The following APOLD1 variants were observed in gnomAD, a reference collection of about 807,000 sequenced individuals.
APOLD1 encodes the protein apolipoprotein L domain-containing protein 1.
APOLD1 carries 22 observed loss-of-function variants against 15.3 expected under a neutral mutation model. That is an observed-to-expected ratio of 1.44 (90% CI 1.03 to 2.05). The LOEUF (loss-of-function observed/expected upper bound fraction) is 2.05. Among genes scored for constraint, APOLD1 ranks in the 30% most tolerant of loss-of-function variants. The pLI is 0.00. For synonymous variants in APOLD1, 190 were observed against 167.4 expected (o/e 1.13, Z -1.04); for missense variants, 394 against 353.5 (o/e 1.11, Z -0.92).
intron 1 of APOLD1, among the ~76,000 whole-genome samples, chr12:12,772,701 A>G (rs1946998748): frequency 6.6e-6 from 1 of 152,232 alleles, no homozygotes; most frequent in African/African-American, 2.4e-5. Flanking sequence ...TCAAAGTCAT[A>G]TAAAACATTT....
chr12:12,755,514 A>G (rs1367309649), intron 1 of APOLD1, among the ~76,000 whole-genome samples: 2 of 152,234 alleles, frequency 1.3e-5, no homozygotes, highest in African/African-American at 2.4e-5. Context: ...ATAACCCACA[A>G]TAATTAGTAT....
At chr12:12,747,733 T>C (rs562212375) in intron 1 of APOLD1, among the ~76,000 whole-genome samples, 5 of 152,302 alleles carry the variant, frequency 3.3e-5, no homozygotes, top group African/African-American at 1.2e-4. Context: ...TGGGCCCTTC[T>C]TGCAACATTT....
intron 1 of APOLD1, among the ~76,000 whole-genome samples, chr12:12,777,923 T>TTTTTTTTTTTTTTTTTTTGTTG (rs1555092183): frequency 1.6e-5 from 2 of 121,570 alleles, no homozygotes; most frequent in Non-Finnish European, 3.4e-5. Flanking sequence ...TTTTTTTTTT[T>TTTTTTTTTTTTTTTTTTTGTTG]TTGTTGTTGT....
At chr12:12,750,394 A>AAAAAG (rs71064320) in intron 1 of APOLD1, among the ~76,000 whole-genome samples, 2 of 147,984 alleles carry the variant, frequency 1.4e-5, no homozygotes, top group Non-Finnish European at 1.5e-5. Context: ...AAAAAAAAAA[A>AAAAAG]GGAAATTGGG....
At chr12:12,731,259 A>T (rs1946639711) in intron 1 of APOLD1, among the ~76,000 whole-genome samples, 1 of 152,230 alleles carries the variant, frequency 6.6e-6, no homozygotes, top group Non-Finnish European at 1.5e-5. Context: ...ATGTCTTATT[A>T]TTTTTAATTA....
chr12:12,786,131 C>T (rs1381405175), intron 1 of APOLD1, among the ~76,000 whole-genome samples: 2 of 152,068 alleles, frequency 1.3e-5, no homozygotes, highest in Non-Finnish European at 2.9e-5. Flanking sequence ...AAAATTTTGG[C>T]CACTTTATTT....
chr12:12,742,584 G>A (rs1339497051), intron 1 of APOLD1, among the ~76,000 whole-genome samples: 1 of 152,144 alleles, frequency 6.6e-6, no homozygotes, highest in African/African-American at 2.4e-5. Context: ...GGCCAAGATG[G>A]TGAAACCCTA....
At chr12:12,758,159 A>ATC (rs1946872162) in intron 1 of APOLD1, among the ~76,000 whole-genome samples, 1 of 144,988 alleles carries the variant, frequency 6.9e-6, no homozygotes, top group Non-Finnish European at 1.5e-5. Flanking sequence ...GATGTTCTCC[A>ATC]TCTCCTGACC....
intron 1 of APOLD1, among the ~76,000 whole-genome samples, chr12:12,728,846 A>G (rs1013163080): frequency 2.0e-5 from 3 of 152,220 alleles, no homozygotes; most frequent in African/African-American, 4.8e-5. Context: ...GGGGAGACAG[A>G]GCAGTATGCT....
At chr12:12,736,098 G>C (rs1162542173) in intron 1 of APOLD1, among the ~76,000 whole-genome samples, 1 of 152,144 alleles carries the variant, frequency 6.6e-6, no homozygotes, top group Non-Finnish European at 1.5e-5. Flanking sequence ...GTTCATGCCT[G>C]TAATCCCAGC....
Position 12,750,633 on chromosome 12 carries a change from C to T in APOLD1, c.96+24537C>T, listed in dbSNP as rs573433427. ...GTATTTTCTTATTGAGTTTTTTTTGCGCATATTATTGGAGTGTAGTATACT... is the reference window on the plus strand; with the variant it reads ...GTATTTTCTTATTGAGTTTTTTTTGTGCATATTATTGGAGTGTAGTATACT... On this transcript the variant is annotated intron_variant, in intron 1 of 1. Coordinates refer to the APOLD1 transcript ENST00000326765. 1.4e-4 allele frequency among the ~76,000 whole-genome samples: 21 copies of T among 151,504 alleles called. 1 individual carries two copies. Among genetic ancestry groups the T allele is most frequent in the East Asian group, 1.4e-3 (7 of 5,164 alleles).
intron 1 of APOLD1, among the ~76,000 whole-genome samples, chr12:12,767,539 T>C (rs866992652): frequency 2.6e-5 from 4 of 152,094 alleles, no homozygotes; most frequent in Middle Eastern, 3.4e-3. Context: ...CCCGCGCCTA[T>C]AATTTCAGCT....
chr12:12,729,508 C>T lies in APOLD1; in HGVS notation c.96+3412C>T, dbSNP rs559612021. ...CGCCTGGCCTCAAGTGATACTCCTG[C>T]CTTGGTCTCCAAAAGTGTTGAGATT... is the stretch of plus-strand genomic sequence containing the variant. On this transcript the variant is annotated intron_variant, in intron 1 of 1. Coordinates refer to the APOLD1 transcript ENST00000326765. 8.5e-5 allele frequency among the ~76,000 whole-genome samples: 13 copies of T among 152,194 alleles called. No homozygotes were observed. In the South Asian group the frequency reaches 1.7e-3, roughly 19 times the overall value.
chr12:12,728,850 G>A (rs910413088), intron 1 of APOLD1, among the ~76,000 whole-genome samples: 1 of 152,188 alleles, frequency 6.6e-6, no homozygotes, highest in Non-Finnish European at 1.5e-5. Flanking sequence ...AGACAGAGCA[G>A]TATGCTCATT....
chr12:12,751,373 A>G (rs180936660), intron 1 of APOLD1, among the ~76,000 whole-genome samples: 1 of 152,256 alleles, frequency 6.6e-6, no homozygotes, highest in East Asian at 1.9e-4. Flanking sequence ...GTTTTGAGAC[A>G]GAGTCTTGCT....
intron 1 of APOLD1, chr12:12,726,424 T>G (rs1450554815): frequency 2.9e-6 from 1 of 349,074 alleles, no homozygotes; most frequent in African/African-American, 2.2e-5. Flanking sequence ...TTAGGATGAC[T>G]TTTTTTTTCT....
intron 1 of APOLD1, among the ~76,000 whole-genome samples, chr12:12,751,919 T>C (rs1592296399): frequency 1.3e-5 from 2 of 152,134 alleles, no homozygotes; most frequent in African/African-American, 2.4e-5. Flanking sequence ...TGATGAGCTT[T>C]GGAGATGGAG....
chr12:12,786,331 G>A (rs1456070201), intron 1 of APOLD1, among the ~76,000 whole-genome samples: 1 of 152,176 alleles, frequency 6.6e-6, no homozygotes, highest in Non-Finnish European at 1.5e-5. Context: ...GAGCCTGGAA[G>A]AATCACAAGC....
rs1947176999 is a variant in APOLD1 at position 12,790,546 on chromosome 12, A to G, written c.*2894A>G. 6.6e-6 allele frequency: 1 copy of G among 152,184 alleles called. No individual in the cohort carries two copies. The highest frequency in any genetic ancestry group is 1.5e-5 in the Non-Finnish European group (1 of 68,022). The allele number at this position is 152,184 out of a possible 1,614,324, so 9.4% of individuals were successfully genotyped here. On this transcript the variant is annotated 3_prime_UTR_variant, in exon 2 of 2. Coordinates refer to ENST00000356591, the MANE Select transcript of APOLD1 (RefSeq NM_030817.3). ...AGCAGCAACAGTAACAGCAGCAGCAAACTTTTCCTCTCATATTTTGGGTGT... is the reference window on the plus strand; with the variant it reads ...AGCAGCAACAGTAACAGCAGCAGCAGACTTTTCCTCTCATATTTTGGGTGT...
Sources: allele counts gnomAD v4.1 joint callset (sites outside exome capture counted in the v4.1 genomes callset), GRCh38; gene constraint gnomAD v4.1.1; transcripts MANE v1.5; gene names NCBI Gene and HGNC (gene_info 2026-07-23, HGNC 2026-07-21).